Variants in ZNF90 observed in about 807,000 individuals in gnomAD.
The protein encoded by ZNF90 is zinc finger protein 90.
A neutral mutation model predicts 12.0 loss-of-function variants in ZNF90; 11 were observed. The ratio of observed to expected loss-of-function variants is 0.92; its 90% CI spans 0.58 to 1.52. The LOEUF (loss-of-function observed/expected upper bound fraction) is 1.52. Among genes scored for constraint, ZNF90 ranks in the 40% most tolerant of loss-of-function variants. ZNF90 has a pLI of 0.00. For missense variants in ZNF90, 765 were observed against 711.5 expected (o/e 1.08, Z -0.86); for synonymous variants, 232 against 240.1 (o/e 0.97, Z 0.31).
At chr19:20,097,738 A>C (rs1188713174) in intron 1 of ZNF90, among the ~76,000 whole-genome samples, 3 of 152,204 alleles carry the variant, frequency 2.0e-5, no homozygotes, top group East Asian at 3.9e-4. Context: ...CTTTATCTGA[A>C]AAGTGCAAGT....
chr19:20,108,959 G>A (rs1206733627), intron 3 of ZNF90, among the ~76,000 whole-genome samples: 3 of 151,738 alleles, frequency 2.0e-5, no homozygotes, highest in Admixed American at 6.6e-5. Flanking sequence ...TCCTGACCTC[G>A]TGATCTGCCC....
chr19:20,099,918 A>G (rs948227779), intron 1 of ZNF90, among the ~76,000 whole-genome samples: 10 of 152,192 alleles, frequency 6.6e-5, no homozygotes, highest in African/African-American at 2.4e-4. Flanking sequence ...CCATTAGGAG[A>G]GTATTATTGG....
intron 1 of ZNF90, among the ~76,000 whole-genome samples, chr19:20,090,385 T>TG (rs1342535238): frequency 6.6e-6 from 1 of 150,736 alleles, no homozygotes; most frequent in Non-Finnish European, 1.5e-5. Context: ...TTAAGGGAAG[T>TG]GGGGGAGAGT....
chr19:20,112,462 C>T (rs2089098175), intron 3 of ZNF90, among the ~76,000 whole-genome samples: 1 of 152,074 alleles, frequency 6.6e-6, no homozygotes, highest in African/African-American at 2.4e-5. Flanking sequence ...GCTGGGACTA[C>T]AGGTGTGTGC....
chr19:20,079,481 C>G (rs2088804454), intron 1 of ZNF90, among the ~76,000 whole-genome samples: 1 of 151,946 alleles, frequency 6.6e-6, no homozygotes, highest in Non-Finnish European at 1.5e-5. Flanking sequence ...AAACATATTG[C>G]AACAGGAGGA....
Position 20,119,037 on chromosome 19 carries a change from G to T in ZNF90, c.1483G>T (p.Ala495Ser). Reference sequence around the variant, plus strand: ...TGACAAAGCCTTCAAGTACTCCTCAGCCCTTAGCACACATAAGATAATTCA... The same window carrying T: ...TGACAAAGCCTTCAAGTACTCCTCATCCCTTAGCACACATAAGATAATTCA... ...ECDKAFKYSSALSTHKIIHSG... is the reference protein window; with the variant it reads ...ECDKAFKYSSSLSTHKIIHSG... The change falls in exon 4 of 4, where the codon GCC becomes TCC. Residue 495 changes from alanine (A) to serine (S), a missense_variant. By Grantham distance (99) the Ala-to-Ser change is moderately conservative. Coordinates refer to ENST00000418063, the MANE Select transcript of ZNF90 (RefSeq NM_007138.2). 6 of 1,606,320 alleles carry T rather than the reference G, an allele frequency of 3.7e-6. No homozygotes were observed. Among genetic ancestry groups the T allele is most frequent in the Non-Finnish European group, 4.2e-6 (5 of 1,176,472 alleles).
Position 20,118,207 on chromosome 19 carries a change from C to A in ZNF90, c.653C>A (p.Ser218Ter). Residue 218 changes from serine to a stop codon, truncating the protein, a stop_gained, in exon 4 of 4, where the codon TCA becomes TAA. Transcript: ENST00000418063. LOFTEE classifies it low-confidence loss of function (END_TRUNC). ...KAFNRSSHLT[S>*]HKRIHTGEKR... ...TTCAACAGGTCCTCACACCTTACTT[C>A]ACATAAGAGAATTCATACTGGAGAG... The A allele has an allele frequency of 6.2e-7, 1 of 1,610,420 alleles. No homozygotes were observed. Among genetic ancestry groups the A allele is most frequent in the Non-Finnish European group, 8.5e-7 (1 of 1,178,066 alleles).
At chr19:20,110,157 T>C (rs2089074440) in intron 3 of ZNF90, among the ~76,000 whole-genome samples, 1 of 152,240 alleles carries the variant, frequency 6.6e-6, no homozygotes, top group Non-Finnish European at 1.5e-5. Flanking sequence ...ATGTATATGT[T>C]ACTTTTTTTG....
At chr19:20,088,039 C>G (rs2088873618) in intron 1 of ZNF90, among the ~76,000 whole-genome samples, 1 of 152,168 alleles carries the variant, frequency 6.6e-6, no homozygotes, top group South Asian at 2.1e-4. Flanking sequence ...GGCATATTCA[C>G]TTCTTTTGTG....
intron 1 of ZNF90, among the ~76,000 whole-genome samples, chr19:20,094,409 C>T (rs562065460): frequency 4.6e-5 from 7 of 152,270 alleles, no homozygotes; most frequent in Admixed American, 1.3e-4. Context: ...GGCGGTAAAG[C>T]GTCTAAGGGT....
Position 20,120,994 on chromosome 19 carries a change from T to C in ZNF90, c.*1634T>C, listed in dbSNP as rs1277424267. 2.0e-5 allele frequency: 3 copies of C among 152,700 alleles called. No individual in the cohort carries two copies. The highest frequency in any genetic ancestry group is 6.5e-5 in the Admixed American group (1 of 15,304). 9.5% of individuals were successfully genotyped at this position (152,700 alleles called of 1,614,324 possible). A position where few individuals can be genotyped will look rare whatever the true frequency, so the allele number is the denominator to read the frequency against. On this transcript the variant is annotated 3_prime_UTR_variant, in exon 4 of 4. Transcript: ENST00000418063. ...AAATGTAAGATGCATGATGAAAATATAAGTGGACAGGCTGTTCGTATTTGA... is the reference window on the plus strand; with the variant it reads ...AAATGTAAGATGCATGATGAAAATACAAGTGGACAGGCTGTTCGTATTTGA...
intron 3 of ZNF90, 36 bp downstream of exon 3, chr19:20,105,352 C>T (rs782742277): frequency 2.0e-4 from 310 of 1,538,984 alleles, no homozygotes; most frequent in Non-Finnish European, 2.5e-4. Context: ...ACAGACAACA[C>T]AGATAAGAGG....
Position 20,120,539 on chromosome 19 carries a change from T to G in ZNF90, c.*1179T>G, listed in dbSNP as rs574893364. 9.6e-4 allele frequency among the ~76,000 whole-genome samples: 146 copies of G among 152,242 alleles called. No homozygotes were observed. Among genetic ancestry groups the G allele is most frequent in the African/African-American group, 3.4e-3 (141 of 41,556 alleles). On this transcript the variant is annotated 3_prime_UTR_variant, in exon 4 of 4. Transcript: ENST00000418063. ...CAAATTTTTTTTCAAAAACTACAGC[T>G]TAGAAAACACCAGAGAGTTGATACT...
intron 3 of ZNF90, among the ~76,000 whole-genome samples, chr19:20,116,404 A>T (rs1327906052): frequency 6.6e-6 from 1 of 152,190 alleles, no homozygotes; most frequent in African/African-American, 2.4e-5. Context: ...TCCTGACCTC[A>T]TGTGATTTTC....
chr19:20,111,329 C>A (rs567065409), intron 3 of ZNF90, among the ~76,000 whole-genome samples: 1 of 152,182 alleles, frequency 6.6e-6, no homozygotes, highest in South Asian at 2.1e-4. Flanking sequence ...AGGTGATGAT[C>A]TCATTTCAGC....
chr19:20,081,834 G>A (rs928029760), intron 1 of ZNF90, among the ~76,000 whole-genome samples: 14 of 149,588 alleles, frequency 9.4e-5, no homozygotes, highest in South Asian at 4.3e-4. Context: ...GCGAGATCTC[G>A]GCTCACTGCA....
Position 20,114,417 on chromosome 19 carries a change from G to A in ZNF90, c.227-3364G>A, listed in dbSNP as rs547786523. Among the ~76,000 whole-genome samples the A allele has an allele frequency of 1.1e-4, 17 of 151,966 alleles. No homozygotes were observed. The East Asian group carries it at 1.7e-3, about 16-fold the overall frequency. ...AACAACTACCAATTCTTCCCATTTC[G>A]TGGCACTCTTCAAACACCACATTGT... On this transcript the variant is annotated intron_variant, in intron 3 of 3. Transcript: ENST00000418063.
At chr19:20,097,153 A>T (rs570022794) in intron 1 of ZNF90, among the ~76,000 whole-genome samples, 1 of 152,324 alleles carries the variant, frequency 6.6e-6, no homozygotes, top group South Asian at 2.1e-4. Flanking sequence ...GTCACACTTA[A>T]TTGTGTAATA....
intron 3 of ZNF90, among the ~76,000 whole-genome samples, chr19:20,113,827 C>A (rs1456319086): frequency 6.6e-6 from 1 of 151,968 alleles, no homozygotes; most frequent in Non-Finnish European, 1.5e-5. Flanking sequence ...GACCTGGTCT[C>A]AAAAACACTC....
Sources: gnomAD v4.1 joint callset for allele counts (sites outside exome capture counted in the v4.1 genomes callset) on GRCh38, gnomAD v4.1.1 for gene constraint, MANE v1.5 for transcripts, NCBI Gene and HGNC (gene_info 2026-07-23, HGNC 2026-07-21) for gene names.